The following FXYD2 variants were observed in gnomAD, a reference collection of about 807,000 sequenced individuals.
The protein encoded by FXYD2 is FXYD domain containing ion transport regulator 2.
A neutral mutation model predicts 11.8 loss-of-function variants in FXYD2; 8 were observed. That is an observed-to-expected ratio of 0.68 (90% CI 0.40 to 1.22). The LOEUF is 1.22. Ranked by LOEUF, FXYD2 falls within the 50% of genes most tolerant of loss-of-function variation. FXYD2 has a pLI of 0.01. For synonymous variants in FXYD2, 42 were observed against 33.3 expected, an observed-to-expected ratio of 1.26 and a Z score of -0.90; for missense variants, 92 against 91.8, an observed-to-expected ratio of 1.00 and a Z score of -0.01.
upstream of FXYD2, among the ~76,000 whole-genome samples, chr11:117,825,751 C>T (rs141844252): frequency 5.5e-3 from 834 of 152,302 alleles, 5 homozygotes; most frequent in African/African-American, 0.019. Flanking sequence ...CGGGTAGTCA[C>T]AGGTACTGTA....
chr11:117,825,770 G>A (rs948243921), upstream of FXYD2, among the ~76,000 whole-genome samples: 8 of 152,180 alleles, frequency 5.3e-5, no homozygotes, highest in African/African-American at 1.2e-4. Context: ...TAGAATCCTC[G>A]TTGAGTTCTA....
In FXYD2 at chr11:117,823,752, G is replaced by A. The variant is rs536012777; in HGVS notation, c.25+902C>T. Reference sequence around the variant, plus strand: ...AAGTGGAGCCCGAGGAGGAAGGAACGCGCAAGTTAGCACTTTCCGGGCTGT... The same window carrying A: ...AAGTGGAGCCCGAGGAGGAAGGAACACGCAAGTTAGCACTTTCCGGGCTGT... On this transcript the variant is annotated intron_variant, in intron 1 of 5. Coordinates refer to ENST00000292079, the MANE Select transcript of FXYD2 (RefSeq NM_001680.5). Among the ~76,000 whole-genome samples the A allele has an allele frequency of 4.6e-5, 7 of 152,336 alleles. No individual in the cohort carries two copies. In the East Asian group the frequency reaches 9.7e-4, roughly 21 times the overall value.
intron 5 of FXYD2, 102 bp downstream of exon 5, chr11:117,820,564 C>T: frequency 6.8e-7 from 1 of 1,480,738 alleles, no homozygotes; most frequent in Non-Finnish European, 9.4e-7. Context: ...TGTGGACGAC[C>T]CTAAAATTCT....
At chr11:117,823,754 G>A (rs1048193039) in intron 1 of FXYD2, among the ~76,000 whole-genome samples, 1 of 152,202 alleles carries the variant, frequency 6.6e-6, no homozygotes, top group Non-Finnish European at 1.5e-5. Context: ...GAAGGAACGC[G>A]CAAGTTAGCA....
Position 117,822,041 on chromosome 11 carries a change from C to T in FXYD2, c.139+365G>A. The T allele has an allele frequency of 8.2e-7, 1 of 1,219,394 alleles. No homozygotes were observed. Among genetic ancestry groups the T allele is most frequent in the Non-Finnish European group, 1.0e-6 (1 of 964,010 alleles). The allele number at this position is 1,219,394 out of a possible 1,614,324, so 75.5% of individuals were successfully genotyped here. A position where few individuals can be genotyped will look rare whatever the true frequency, so the allele number is the denominator to read the frequency against. ...GACTGCCATGTCTTTGGATGCTAGC[C>T]CTAATCTTGTGAGGCAGGTGGGATC... On this transcript the variant is annotated intron_variant, in intron 3 of 5. Transcript: ENST00000292079. This position sits in a 1 kb window ranked among gnomAD's most constrained non-coding sequence, Gnocchi z 4.7.
chr11:117,820,741 G>T, intron 4 of FXYD2, 45 bp from the exon 5 acceptor site: 1 of 1,613,118 alleles, frequency 6.2e-7, no homozygotes, highest in Non-Finnish European at 8.5e-7. Context: ...CAGGGGGAGG[G>T]GTGGGTCTAG....
chr11:117,820,493 C>T (rs550102488), intron 5 of FXYD2, 121 bp from the exon 6 acceptor site: 4 of 752,996 alleles, frequency 5.3e-6, no homozygotes, highest in Non-Finnish European at 8.7e-6. Context: ...GCACACACTC[C>T]ACGCCAGGCC....
chr11:117,820,362 C>G lies in FXYD2; in HGVS notation c.*17G>C, dbSNP rs2055867835. On this transcript the variant is annotated 3_prime_UTR_variant, in exon 6 of 6. Coordinates refer to ENST00000292079, the MANE Select transcript of FXYD2 (RefSeq NM_001680.5). ...CAGCTGGCCCCAGTGCAGTGGGTGG[C>G]ACCGCCGAGGCTGAGAAGACAAAGG... The G allele has an allele frequency of 4.2e-6, 2 of 474,634 alleles. No homozygotes were observed. The highest frequency in any genetic ancestry group is 3.8e-6 in the Non-Finnish European group (1 of 266,510). 29.4% of individuals were successfully genotyped at this position (474,634 alleles called of 1,614,324 possible).
chr11:117,822,145 C>T lies in FXYD2; in HGVS notation c.139+261G>A, dbSNP rs2055920451. The T allele has an allele frequency of 7.1e-7, 1 of 1,399,530 alleles. No homozygotes were observed. Among genetic ancestry groups the T allele is most frequent in the Non-Finnish European group, 9.3e-7 (1 of 1,075,398 alleles). The allele number at this position is 1,399,530 out of a possible 1,614,324, so 86.7% of individuals were successfully genotyped here. ...CCCCCTGTCTGGCCCTCCGGTTACC[C>T]AGTTACCCCGTGGGTTTGCTCTCAC... is the stretch of plus-strand genomic sequence containing the variant. On this transcript the variant is annotated intron_variant, in intron 3 of 5. Coordinates refer to ENST00000292079, the MANE Select transcript of FXYD2 (RefSeq NM_001680.5). The surrounding 1 kb of genome is among the most constrained non-coding windows in gnomAD (Gnocchi z 4.7).
rs750019905 is a variant in FXYD2, at chr11:117,820,867, C to T, written c.168G>A (p.Lys56=). The T allele has an allele frequency of 1.2e-6, 2 of 1,613,682 alleles. No individual in the cohort carries two copies. The highest frequency in any genetic ancestry group is 1.7e-6 in the Non-Finnish European group (2 of 1,179,966). ...CCCCAGGCAGCGCTCACCTGCGCTT[C>T]TTATTGCCCCCACAGCGGAATCTTC... The part of the protein sequence containing the change: ...LSRRFRCGGN[K]KRRQINEDEP Residue 56 remains lysine (K), a synonymous_variant, in exon 4 of 6, where the codon AAG becomes AAA. Coordinates refer to ENST00000292079, the MANE Select transcript of FXYD2 (RefSeq NM_001680.5).
Position 117,820,652 on chromosome 11 carries a change from C to T in FXYD2, c.*6+14G>A. On this transcript the variant is annotated intron_variant, in intron 5 of 5. Transcript: ENST00000292079. ...CTGCCCTCCCCGCACCTTCCCCAGG[C>T]CCTCCTAGCATACCTGCTGTTACGG... 6.2e-7 allele frequency: 1 copy of T among 1,613,668 alleles called. No homozygotes were observed. Among genetic ancestry groups the T allele is most frequent in the Non-Finnish European group, 8.5e-7 (1 of 1,179,764 alleles).
upstream of FXYD2, among the ~76,000 whole-genome samples, chr11:117,826,286 C>T (rs561869291): frequency 1.8e-4 from 27 of 152,332 alleles, no homozygotes; most frequent in African/African-American, 5.5e-4. Context: ...CTGCAATACC[C>T]GTTCAGCTCC....
Position 117,824,370 on chromosome 11 carries a change from C to T in FXYD2, c.25+284G>A. The T allele has an allele frequency of 1.8e-6, 1 of 566,736 alleles. No individual in the cohort carries two copies. Among genetic ancestry groups the T allele is most frequent in the East Asian group, 3.0e-5 (1 of 32,914 alleles). The allele number at this position is 566,736 out of a possible 1,614,324, so 35.1% of individuals were successfully genotyped here. A position where few individuals can be genotyped will look rare whatever the true frequency, so the allele number is the denominator to read the frequency against. Reference sequence around the variant, plus strand: ...ACGGTCTAGCAAGATGCATTGAACTCAGGGCGGGTGTGTGCCAGGAGGCCG... The same window carrying T: ...ACGGTCTAGCAAGATGCATTGAACTTAGGGCGGGTGTGTGCCAGGAGGCCG... On this transcript the variant is annotated intron_variant, in intron 1 of 5. Coordinates refer to ENST00000292079, the MANE Select transcript of FXYD2 (RefSeq NM_001680.5). This position sits in a 1 kb window ranked among gnomAD's most constrained non-coding sequence, Gnocchi z 4.0.
chr11:117,822,807 G>T lies in FXYD2; in HGVS notation c.26-90C>A. Reference sequence around the variant, plus strand: ...GGAATTCCCTGTCCTTCCCTTCCCAGAGGACCCTCGAGGGTCCAAGCAGGC... The same window carrying T: ...GGAATTCCCTGTCCTTCCCTTCCCATAGGACCCTCGAGGGTCCAAGCAGGC... On this transcript the variant is annotated intron_variant, in intron 1 of 5. Coordinates refer to ENST00000292079, the MANE Select transcript of FXYD2 (RefSeq NM_001680.5). This position sits in a 1 kb window ranked among gnomAD's most constrained non-coding sequence, Gnocchi z 4.7. 6.6e-7 allele frequency: 1 copy of T among 1,525,416 alleles called. No individual in the cohort carries two copies. The highest frequency in any genetic ancestry group is 1.2e-5 in the South Asian group (1 of 84,632). 94.5% of individuals were successfully genotyped at this position (1,525,416 alleles called of 1,614,324 possible).
rs547791662 is a variant in FXYD2 at position 117,824,073 on chromosome 11, C to T, written c.25+581G>A. The T allele has an allele frequency of 1.7e-4, 28 of 165,542 alleles. No homozygotes were observed. In the South Asian group the frequency reaches 4.2e-3, roughly 25 times the overall value. The allele number at this position is 165,542 out of a possible 1,614,324, so 10.3% of individuals were successfully genotyped here. A position where few individuals can be genotyped will look rare whatever the true frequency, so the allele number is the denominator to read the frequency against. On this transcript the variant is annotated intron_variant, in intron 1 of 5. Transcript: ENST00000292079. This position sits in a 1 kb window ranked among gnomAD's most constrained non-coding sequence, Gnocchi z 4.0. ...CTTCCCCACACGCCCCAGGAAACCT[C>T]CTCCTCCGTGGCCACCTGGCCCTGA...
upstream of FXYD2, among the ~76,000 whole-genome samples, chr11:117,826,841 T>C (rs1003894434): frequency 6.7e-6 from 1 of 148,792 alleles, no homozygotes; most frequent in Non-Finnish European, 1.5e-5. Context: ...TCTATCTATC[T>C]ATCCATTGAC....
upstream of FXYD2, chr11:117,828,024 G>C (rs1207156561): frequency 6.4e-7 from 1 of 1,550,812 alleles, no homozygotes; most frequent in Non-Finnish European, 8.7e-7. Flanking sequence ...GGCAGGAGCT[G>C]CTGGTTGTGT....
chr11:117,820,942 G>C (rs892270070), intron 3 of FXYD2, 47 bp from the exon 4 acceptor site: 6 of 1,613,778 alleles, frequency 3.7e-6, no homozygotes, highest in African/African-American at 1.3e-5. Flanking sequence ...AATTTTCCAA[G>C]GAGACCCTGG....
Position 117,820,231 on chromosome 11 carries a change from T to G in FXYD2, c.*148A>C. Reference sequence around the variant, plus strand: ...TGGCGATGCCACCTGGGGGTCACATTGAGTCTGGAGCTTCCTTCAGCCCAA... The same window carrying G: ...TGGCGATGCCACCTGGGGGTCACATGGAGTCTGGAGCTTCCTTCAGCCCAA... On this transcript the variant is annotated 3_prime_UTR_variant, in exon 6 of 6. Coordinates refer to ENST00000292079, the MANE Select transcript of FXYD2 (RefSeq NM_001680.5). The G allele has an allele frequency of 5.5e-6, 1 of 180,476 alleles. No homozygotes were observed. Among genetic ancestry groups the G allele is most frequent in the Non-Finnish European group, 1.2e-5 (1 of 86,572 alleles). The allele number at this position is 180,476 out of a possible 1,614,324, so 11.2% of individuals were successfully genotyped here. A position where few individuals can be genotyped will look rare whatever the true frequency, so the allele number is the denominator to read the frequency against.
Sources: gnomAD v4.1 joint callset for allele counts (sites outside exome capture counted in the v4.1 genomes callset) on GRCh38, gnomAD v4.1.1 for gene constraint, Gnocchi (gnomAD v3.1) non-coding constraint, MANE v1.5 for transcripts, NCBI Gene and HGNC (gene_info 2026-07-23, HGNC 2026-07-21) for gene names.